LRRC7: variants seen among roughly 807,000 people sequenced by gnomAD.
LRRC7 encodes leucine-rich repeat-containing protein 7.
Under a neutral mutation model 175.7 loss-of-function variants are expected in LRRC7, and 23 were observed. That is an observed-to-expected ratio of 0.13 (90% CI 0.09 to 0.19). LRRC7 has a LOEUF of 0.19. Among genes scored for constraint, LRRC7 ranks in the 10% least tolerant of loss-of-function variants. The pLI, the probability that LRRC7 is intolerant of heterozygous loss-of-function variation, is 1.00. For synonymous variants in LRRC7, 685 were observed against 680.9 expected (o/e 1.01, Z -0.09); for missense variants, 1,354 against 1,904.7 (o/e 0.71, Z 5.38).
chr1:70,045,934 G>A (rs1160659687), intron 22 of LRRC7, among the ~76,000 whole-genome samples: 2 of 152,026 alleles, frequency 1.3e-5, no homozygotes, highest in African/African-American at 2.4e-5. Flanking sequence ...TCTCCACCTG[G>A]CCCCACCCTT....
rs1491387066 is a variant in LRRC7 at position 70,136,053 on chromosome 1, C to CTG, written c.*14174_*14175dup. 3.0e-5 allele frequency among the ~76,000 whole-genome samples: 3 copies of CTG among 98,696 alleles called. No individual in the cohort carries two copies. Among genetic ancestry groups the CTG allele is most frequent in the South Asian group, 4.4e-4 (1 of 2,294 alleles). 64.7% of individuals were successfully genotyped at this position (98,696 alleles called of 152,430 possible). ...CTTGGGAATTAATATCTCTCTCTCTCTGTGTGTGTCTGTGTGTGTGTCTGT... is the reference window on the plus strand; with the variant it reads ...CTTGGGAATTAATATCTCTCTCTCTCTGTGTGTGTGTCTGTGTGTGTGTCTGT... On this transcript the variant is annotated 3_prime_UTR_variant, in exon 27 of 27. Transcript: ENST00000651989.
rs571618786 is a variant in LRRC7 at position 69,640,866 on chromosome 1, A to G, written c.3-37515A>G. ...GTTGTTAATGCAGTAAAATACTAAC[A>G]TAAGTCATAATATCTACAAAGTCAT... On this transcript the variant is annotated intron_variant, in intron 1 of 26. Coordinates refer to ENST00000651989, the MANE Select transcript of LRRC7 (RefSeq NM_001370785.2). 3.3e-5 allele frequency among the ~76,000 whole-genome samples: 5 copies of G among 151,748 alleles called. No individual in the cohort carries two copies. In the East Asian group the frequency reaches 9.7e-4, roughly 29 times the overall value.
In LRRC7 at chr1:69,625,627, GTT is replaced by G. The variant is rs1197606780; in HGVS notation, c.3-52752_3-52751del. 9.9e-5 allele frequency among the ~76,000 whole-genome samples: 15 copies of G among 151,946 alleles called. No individual in the cohort carries two copies. In the East Asian group the frequency reaches 2.9e-3, roughly 30 times the overall value. On this transcript the variant is annotated intron_variant, in intron 1 of 26. Coordinates refer to ENST00000651989, the MANE Select transcript of LRRC7 (RefSeq NM_001370785.2). Reference sequence around the variant, plus strand: ...ATTTATAGCTATAAACACCTCACAAGTTTGGCTATAAATAGATTTTAGCTATA... The same window carrying G: ...ATTTATAGCTATAAACACCTCACAAGTGGCTATAAATAGATTTTAGCTATA...
chr1:69,868,848 C>T (rs890373038), intron 7 of LRRC7, among the ~76,000 whole-genome samples: 13 of 151,776 alleles, frequency 8.6e-5, no homozygotes, highest in African/African-American at 3.1e-4. Flanking sequence ...GCCATCTTCT[C>T]CCCATGTCTT....
intron 1 of LRRC7, among the ~76,000 whole-genome samples, chr1:69,595,742 A>C (rs1270149408): frequency 1.3e-5 from 2 of 152,138 alleles, no homozygotes; most frequent in Non-Finnish European, 2.9e-5. Context: ...ACAACATTTC[A>C]GTCTGCCAGA....
At chr1:69,853,491 C>T (rs939193728) in intron 7 of LRRC7, among the ~76,000 whole-genome samples, 1 of 151,954 alleles carries the variant, frequency 6.6e-6, no homozygotes, top group Non-Finnish European at 1.5e-5. Context: ...GTTGGCCAGG[C>T]TGGTCTCAAA....
At chr1:70,034,470 T>C (rs942198014) in intron 18 of LRRC7, among the ~76,000 whole-genome samples, 6 of 152,230 alleles carry the variant, frequency 3.9e-5, no homozygotes, top group Admixed American at 3.9e-4. Context: ...ATAGGCAATA[T>C]GGCATACACA....
intron 7 of LRRC7, among the ~76,000 whole-genome samples, chr1:69,899,801 G>A (rs1399448868): frequency 6.6e-6 from 1 of 152,034 alleles, no homozygotes; most frequent in African/African-American, 2.4e-5. Flanking sequence ...GCAGCTCTTC[G>A]GCCGTATGAG....
chr1:70,012,330 T>C (rs1267389761), intron 12 of LRRC7, among the ~76,000 whole-genome samples: 1 of 151,946 alleles, frequency 6.6e-6, no homozygotes. Context: ...TTATTTTAAC[T>C]TCTGGATCCA....
intron 1 of LRRC7, among the ~76,000 whole-genome samples, chr1:69,602,924 G>A (rs1344880990): frequency 6.6e-6 from 1 of 152,190 alleles, no homozygotes; most frequent in Non-Finnish European, 1.5e-5. Context: ...GTAACCTGCT[G>A]TACAGATTTA....
rs1046467227 is a variant in LRRC7, at chr1:69,858,293, G to C, written c.647+20010G>C. Among the ~76,000 whole-genome samples the C allele has an allele frequency of 2.6e-5, 4 of 152,216 alleles. No homozygotes were observed. In the East Asian group the frequency reaches 7.7e-4, roughly 29 times the overall value. ...AATTAAACTAAAGAGCTTCTGCACA[G>C]CAAAAGAAACTATCATCAGAGTGAA... On this transcript the variant is annotated intron_variant, in intron 7 of 26. Coordinates refer to ENST00000651989, the MANE Select transcript of LRRC7 (RefSeq NM_001370785.2).
rs186142931 is a variant in LRRC7 at position 70,076,246 on chromosome 1, G to A, written c.4400G>A (p.Arg1467Gln). 2.2e-5 allele frequency: 35 copies of A among 1,614,080 alleles called. No homozygotes were observed. The highest frequency in any genetic ancestry group is 2.0e-4 in the East Asian group (9 of 44,870). Reference sequence around the variant, plus strand: ...GCCACCCGGGGACCTCAGCCTGGACGGTGCTTAATTCAAACTAAAGGGCAA... The same window carrying A: ...GCCACCCGGGGACCTCAGCCTGGACAGTGCTTAATTCAAACTAAAGGGCAA... The part of the protein sequence containing the change: ...SQATRGPQPG[R>Q]CLIQTKGQRS... Residue 1467 changes from arginine (R) to glutamine (Q), a missense_variant, in exon 24 of 27, where the codon CGG becomes CAG. Coordinates refer to ENST00000651989, the MANE Select transcript of LRRC7 (RefSeq NM_001370785.2).
At chr1:69,795,929 T>C (rs1164680286) in intron 4 of LRRC7, among the ~76,000 whole-genome samples, 2 of 151,954 alleles carry the variant, frequency 1.3e-5, no homozygotes, top group African/African-American at 4.8e-5. Context: ...TTTGTTTTTT[T>C]CTTATTTTGT....
At chr1:69,801,044 A>G (rs1212273107) in intron 4 of LRRC7, among the ~76,000 whole-genome samples, 2 of 151,682 alleles carry the variant, frequency 1.3e-5, no homozygotes, top group African/African-American at 4.8e-5. Flanking sequence ...ATTTATTGAT[A>G]TGCCTATTTT....
chr1:69,910,217 C>T (rs550655278), intron 7 of LRRC7, among the ~76,000 whole-genome samples: 19 of 152,256 alleles, frequency 1.2e-4, no homozygotes, highest in African/African-American at 2.6e-4. Flanking sequence ...AGCTTTGTTC[C>T]GTTGCTGGTG....
chr1:70,110,454 A>C (rs1665450038), intron 26 of LRRC7, among the ~76,000 whole-genome samples: 1 of 152,178 alleles, frequency 6.6e-6, no homozygotes. Context: ...CTGGCTATGA[A>C]ATTCTAGAAT....
At chr1:69,856,023 G>A (rs1333481555) in intron 7 of LRRC7, among the ~76,000 whole-genome samples, 2 of 152,070 alleles carry the variant, frequency 1.3e-5, no homozygotes, top group African/African-American at 4.8e-5. Context: ...GTGTGTCTCT[G>A]CATGTGGGAT....
At position 70,038,711 on chromosome 1, in the gene LRRC7, A is replaced by G; in HGVS notation, c.2887A>G (p.Ile963Val). ...RPESSKGVIS[I>V]SKSTERLSPL... ...GGAATCTTCTAAAGGTGTTATTTCA[A>G]TTAGCAAAAGCACAGAGAGGCTTTC... The change falls in exon 21 of 27, where the codon ATT (isoleucine) becomes GTT (valine). Residue 963 changes from isoleucine to valine, a missense_variant. Ile to Val is a conservative substitution (Grantham distance 29, BLOSUM62 3). Transcript: ENST00000651989. 1 of 1,614,146 alleles carries G rather than the reference A, an allele frequency of 6.2e-7. No individual in the cohort carries two copies. Among genetic ancestry groups the G allele is most frequent in the South Asian group, 1.1e-5 (1 of 91,082 alleles).
At chr1:69,793,939 G>A (rs1012992461) in intron 4 of LRRC7, among the ~76,000 whole-genome samples, 2 of 152,118 alleles carry the variant, frequency 1.3e-5, no homozygotes, top group African/African-American at 4.8e-5. Context: ...GAAGTTAATA[G>A]AATCACTGTG....
Sources: allele counts gnomAD v4.1 joint callset (sites outside exome capture counted in the v4.1 genomes callset), GRCh38; gene constraint gnomAD v4.1.1; transcripts MANE v1.5; gene names NCBI Gene and HGNC (gene_info 2026-07-23, HGNC 2026-07-21).